LPP: variants seen among roughly 807,000 people sequenced by gnomAD.
The protein encoded by LPP is lipoma-preferred partner.
A neutral mutation model predicts 60.4 loss-of-function variants in LPP; 38 were observed. That is an observed-to-expected ratio of 0.63 (90% confidence interval 0.49 to 0.83). The LOEUF is 0.83. LPP is among the 40% of genes least tolerant of loss of function. LPP has a pLI of 0.00. For missense variants in LPP, 902 were observed against 783.6 expected, an observed-to-expected ratio of 1.15 and a Z score of -1.80; for synonymous variants, 328 against 290.8, an observed-to-expected ratio of 1.13 and a Z score of -1.30.
At chr3:188,779,336 T>C (rs574062548) in intron 9 of LPP, among the ~76,000 whole-genome samples, 6 of 152,212 alleles carry the variant, frequency 3.9e-5, no homozygotes, top group African/African-American at 9.6e-5. Flanking sequence ...TTTAGTACGA[T>C]TGACAGTAGA....
intron 1 of LPP, among the ~76,000 whole-genome samples, chr3:188,175,547 GT>G (rs1159611513): frequency 6.6e-6 from 1 of 152,152 alleles, no homozygotes; most frequent in Non-Finnish European, 1.5e-5. Flanking sequence ...ATTGGGATGT[GT>G]TTTTATACTT....
At chr3:188,691,318 T>G (rs1211512438) in intron 7 of LPP, among the ~76,000 whole-genome samples, 2 of 152,220 alleles carry the variant, frequency 1.3e-5, no homozygotes, top group Non-Finnish European at 2.9e-5. Context: ...CATACTGGAA[T>G]CCAGGCTTCA....
At chr3:188,383,753 C>T (rs1777491341) in intron 3 of LPP, among the ~76,000 whole-genome samples, 1 of 152,042 alleles carries the variant, frequency 6.6e-6, no homozygotes, top group Non-Finnish European at 1.5e-5. Flanking sequence ...TTTCACTTAA[C>T]ATTATTTTTA....
At chr3:188,437,361 T>G (rs1444360162) in intron 4 of LPP, among the ~76,000 whole-genome samples, 1 of 152,234 alleles carries the variant, frequency 6.6e-6, no homozygotes, top group Admixed American at 6.5e-5. Flanking sequence ...GATATGCACT[T>G]GATGTTTGCT....
chr3:188,763,362 A>G (rs1733048896), intron 9 of LPP, among the ~76,000 whole-genome samples: 1 of 152,102 alleles, frequency 6.6e-6, no homozygotes, highest in African/African-American at 2.4e-5. Context: ...AGACCAGTCT[A>G]ATGTAAATTA....
At chr3:188,555,232 G>T (rs1259560366) in intron 6 of LPP, among the ~76,000 whole-genome samples, 1 of 152,054 alleles carries the variant, frequency 6.6e-6, no homozygotes, top group African/African-American at 2.4e-5. Flanking sequence ...GTGATCCCAA[G>T]GAAGTGAGGA....
intron 7 of LPP, among the ~76,000 whole-genome samples, chr3:188,702,985 G>A (rs1415703995): frequency 1.3e-5 from 2 of 151,990 alleles, no homozygotes; most frequent in Admixed American, 6.6e-5. Context: ...TTTAAGCAGC[G>A]GTACCTCTAC....
chr3:188,419,188 C>T (rs750981451), intron 4 of LPP, among the ~76,000 whole-genome samples: 2 of 152,122 alleles, frequency 1.3e-5, no homozygotes, highest in South Asian at 2.1e-4. Flanking sequence ...CATTAAATTC[C>T]GTTCTTTTAC....
At chr3:188,468,830 A>G (rs2149501556) in intron 4 of LPP, among the ~76,000 whole-genome samples, 1 of 152,212 alleles carries the variant, frequency 6.6e-6, no homozygotes, top group South Asian at 2.1e-4. Context: ...AATCCTTTGC[A>G]CTCCAGAATG....
chr3:188,630,631 A>G (rs1313119742), intron 7 of LPP, among the ~76,000 whole-genome samples: 1 of 152,212 alleles, frequency 6.6e-6, no homozygotes, highest in Non-Finnish European at 1.5e-5. Context: ...TACCTAAAGG[A>G]ATATAAATTG....
intron 1 of LPP, among the ~76,000 whole-genome samples, chr3:188,190,303 C>T (rs868792537): frequency 6.6e-6 from 1 of 152,128 alleles, no homozygotes; most frequent in Admixed American, 6.5e-5. Flanking sequence ...ATGTGATCCG[C>T]CCGCCTCGGC....
chr3:188,437,137 A>G (rs1441166371), intron 4 of LPP, among the ~76,000 whole-genome samples: 1 of 152,190 alleles, frequency 6.6e-6, no homozygotes, highest in Non-Finnish European at 1.5e-5. Flanking sequence ...AGAAATTAAG[A>G]TGATGATCTT....
Position 188,524,711 on chromosome 3 carries a change from A to C in LPP, c.353A>C (p.Asp118Ala). ...KTLEERRSSL[D>A]AEIDSLTSIL... ...CTTGAGGAGAGGCGCTCCAGCCTGG[A>C]CGCTGAGATTGACTCCTTGACCAGC... Residue 118 changes from aspartate to alanine, a missense_variant, in exon 6 of 12, where the codon GAC (aspartate) becomes GCC (alanine). Asp to Ala is a moderately radical substitution (Grantham distance 126). Coordinates refer to ENST00000617246, the MANE Select transcript of LPP (RefSeq NM_001375462.1). 6.2e-7 allele frequency: 1 copy of C among 1,614,144 alleles called. No individual in the cohort carries two copies. The highest frequency in any genetic ancestry group is 8.5e-7 in the Non-Finnish European group (1 of 1,180,004).
chr3:188,652,788 T>A (rs916900389), intron 7 of LPP, among the ~76,000 whole-genome samples: 5 of 152,080 alleles, frequency 3.3e-5, no homozygotes, highest in Non-Finnish European at 7.4e-5. Flanking sequence ...GTATCCCAAG[T>A]CCCACCATTT....
chr3:188,493,476 C>CTTCTT (rs1808987108), intron 5 of LPP, among the ~76,000 whole-genome samples: 1 of 151,758 alleles, frequency 6.6e-6, no homozygotes, highest in Admixed American at 6.6e-5. Context: ...TCTTTCTTTT[C>CTTCTT]TTCTTTTCTT....
At chr3:188,452,655 C>A (rs1198822097) in intron 4 of LPP, among the ~76,000 whole-genome samples, 2 of 152,026 alleles carry the variant, frequency 1.3e-5, no homozygotes, top group Non-Finnish European at 2.9e-5. Context: ...GCCCCCTAAC[C>A]TTAAAGTCTT....
rs1032424517 is a variant in LPP at position 188,390,999 on chromosome 3, G to A, written c.-9-15113G>A. Among the ~76,000 whole-genome samples, 15 of 152,228 alleles carry A rather than the reference G, an allele frequency of 9.9e-5. No individual in the cohort carries two copies. In the East Asian group the frequency reaches 1.9e-3, roughly 20 times the overall value. ...TTCCTATTCCCTTTTAAACTGTATC[G>A]GGCATGTGTGTTATGTGACCTTTGT... On this transcript the variant is annotated intron_variant, in intron 3 of 11. Transcript: ENST00000617246.
At chr3:188,635,042 C>T (rs1848476583) in intron 7 of LPP, among the ~76,000 whole-genome samples, 1 of 152,180 alleles carries the variant, frequency 6.6e-6, no homozygotes, top group South Asian at 2.1e-4. Flanking sequence ...CACTCCATCT[C>T]CCTAATGTGG....
At position 188,879,026 on chromosome 3, in the gene LPP, G is replaced by A; in HGVS notation, c.*4547G>A. 4.4e-6 allele frequency: 1 copy of A among 228,140 alleles called. No homozygotes were observed. The highest frequency in any genetic ancestry group is 8.7e-6 in the Non-Finnish European group (1 of 114,894). 14.1% of individuals were successfully genotyped at this position (228,140 alleles called of 1,614,324 possible). Reference sequence around the variant, plus strand: ...AGCATATTTTTTAATTGTCTTCATTGTATTTGCTTAATAGTGGTCCAGACA... The same window carrying A: ...AGCATATTTTTTAATTGTCTTCATTATATTTGCTTAATAGTGGTCCAGACA... On this transcript the variant is annotated 3_prime_UTR_variant, in exon 12 of 12. Transcript: ENST00000617246.
Sources: allele counts gnomAD v4.1 joint callset (sites outside exome capture counted in the v4.1 genomes callset), GRCh38; gene constraint gnomAD v4.1.1; transcripts MANE v1.5; gene names NCBI Gene and HGNC (gene_info 2026-07-23, HGNC 2026-07-21).